SRGAP3: variants seen among roughly 807,000 people sequenced by gnomAD.
The protein encoded by SRGAP3 is SLIT-ROBO Rho GTPase-activating protein 3.
A neutral mutation model predicts 121.1 loss-of-function variants in SRGAP3; 39 were observed. The ratio of observed to expected loss-of-function variants is 0.32; its 90% CI spans 0.25 to 0.42. The LOEUF is 0.42. Ranked by LOEUF, SRGAP3 falls within the 10% of genes least tolerant of loss-of-function variation. The probability of loss-of-function intolerance (pLI) is 1.00; values close to 1 mark genes in which losing one functional copy is unlikely to be tolerated. For synonymous variants in SRGAP3, 601 were observed against 570.0 expected, an observed-to-expected ratio of 1.05 and a Z score of -0.77; for missense variants, 1,213 against 1,470.6, an observed-to-expected ratio of 0.82 and a Z score of 2.86.
Position 9,249,295 on chromosome 3 carries a change from A to G in SRGAP3, c.-344T>C. ...ACCAAGCGCACTCACACACACATGC[A>G]CACGTACACACACTCACGCATGCAC... On this transcript the variant is annotated 5_prime_UTR_variant, in exon 1 of 22. Transcript: ENST00000383836. 2.2e-6 allele frequency: 1 copy of G among 447,178 alleles called. No homozygotes were observed. The highest frequency in any genetic ancestry group is 4.2e-6 in the Non-Finnish European group (1 of 240,394). The allele number at this position is 447,178 out of a possible 1,614,324, so 27.7% of individuals were successfully genotyped here.
intron 4 of SRGAP3, 141 bp downstream of exon 4, chr3:9,079,884 C>G: frequency 1.3e-6 from 1 of 773,240 alleles, no homozygotes; most frequent in Non-Finnish European, 2.2e-6. Context: ...CATCCTGACA[C>G]GATGACCCAC....
At chr3:9,282,477 A>T (rs563162370) in intron 3 of SRGAP3, among the ~76,000 whole-genome samples, 3 of 151,698 alleles carry the variant, frequency 2.0e-5, no homozygotes, top group South Asian at 2.1e-4. Flanking sequence ...GTTATGATAT[A>T]TTTGTTTTTG....
intron 3 of SRGAP3, among the ~76,000 whole-genome samples, chr3:9,081,808 T>C (rs1947256216): frequency 6.6e-6 from 1 of 152,226 alleles, no homozygotes. Context: ...TTATTTATGA[T>C]TGTGATTATG....
intron 1 of SRGAP3, among the ~76,000 whole-genome samples, chr3:9,223,595 G>A (rs1952890022): frequency 6.6e-6 from 1 of 152,184 alleles, no homozygotes; most frequent in Non-Finnish European, 1.5e-5. Context: ...AACTCCACCT[G>A]CATCACGGGG....
chr3:9,053,358 T>C (rs1945673310), intron 8 of SRGAP3, 134 bp from the exon 9 acceptor site: 1 of 930,258 alleles, frequency 1.1e-6, no homozygotes, highest in African/African-American at 1.6e-5. Flanking sequence ...AAAATAATCC[T>C]TCTCACTGTA....
chr3:9,051,142 T>C (rs1452714348), intron 9 of SRGAP3, among the ~76,000 whole-genome samples: 1 of 142,468 alleles, frequency 7.0e-6, no homozygotes, highest in Non-Finnish European at 1.5e-5. Context: ...TCCTTCCACC[T>C]CACCCTCCTG....
intron 1 of SRGAP3, chr3:9,349,608 A>G (rs2029950697): frequency 6.2e-6 from 1 of 160,738 alleles, no homozygotes; most frequent in East Asian, 1.8e-4. Flanking sequence ...TATAACCTCT[A>G]TGGTGATATG....
intron 1 of SRGAP3, among the ~76,000 whole-genome samples, chr3:9,203,797 A>C (rs75464117): frequency 4.5e-4 from 69 of 152,370 alleles, no homozygotes; most frequent in African/African-American, 1.6e-3. Flanking sequence ...AGCAAAGGTA[A>C]TACTGTGTTC....
chr3:9,286,824 G>A (rs976337122), intron 3 of SRGAP3, among the ~76,000 whole-genome samples: 7 of 151,500 alleles, frequency 4.6e-5, no homozygotes, highest in Non-Finnish European at 8.8e-5. Flanking sequence ...GGATGGTCTC[G>A]ATCTCCTGAC....
At chr3:9,044,487 C>T (rs777540499) in intron 10 of SRGAP3, among the ~76,000 whole-genome samples, 3 of 152,080 alleles carry the variant, frequency 2.0e-5, no homozygotes, top group Admixed American at 6.5e-5. Flanking sequence ...CTCAGAACAG[C>T]GAGAAATTTA....
rs370329121 is a variant in SRGAP3, at chr3:9,234,299, T to C, written c.67+14586A>G. ...GATCTTTGGGAGACCCAAAACATCC[T>C]GTCTGGAGAGGCCACTGATCAAAGT... On this transcript the variant is annotated intron_variant, in intron 1 of 21. Coordinates refer to ENST00000383836, the MANE Select transcript of SRGAP3 (RefSeq NM_014850.4). 6.6e-5 allele frequency among the ~76,000 whole-genome samples: 10 copies of C among 152,290 alleles called. No homozygotes were observed. The East Asian group carries it at 1.2e-3, about 18-fold the overall frequency.
intron 1 of SRGAP3, among the ~76,000 whole-genome samples, chr3:9,346,245 T>C (rs1470982365): frequency 6.6e-6 from 1 of 151,986 alleles, no homozygotes. Flanking sequence ...TAAATTTTTT[T>C]ATTTTTTATA....
chr3:9,133,788 T>C (rs1442123385), intron 1 of SRGAP3, among the ~76,000 whole-genome samples: 3 of 152,238 alleles, frequency 2.0e-5, no homozygotes, highest in Non-Finnish European at 2.9e-5. Context: ...CAGTTTATAC[T>C]ACGATGAAAA....
At chr3:9,091,295 C>T (rs970568347) in intron 3 of SRGAP3, among the ~76,000 whole-genome samples, 16 of 152,092 alleles carry the variant, frequency 1.1e-4, no homozygotes, top group Admixed American at 4.6e-4. Context: ...AGTAGATGTT[C>T]TCATGTTGGG....
chr3:9,136,300 G>C (rs115852718), intron 1 of SRGAP3, among the ~76,000 whole-genome samples: 3,826 of 151,948 alleles, frequency 0.025, 165 homozygotes, highest in African/African-American at 0.088. Flanking sequence ...CCGAGGGTCC[G>C]CAGGATCCGT....
chr3:9,256,653 T>A (rs1263663544), intron 3 of SRGAP3: 1 of 395,030 alleles, frequency 2.5e-6, no homozygotes, highest in Non-Finnish European at 4.5e-6. Context: ...TTTCCAGCCA[T>A]CCACTCCCCA....
At chr3:9,345,506 G>A (rs1034450189) in intron 1 of SRGAP3, among the ~76,000 whole-genome samples, 5 of 149,590 alleles carry the variant, frequency 3.3e-5, no homozygotes, top group African/African-American at 1.2e-4. Context: ...AAAGAGGCCA[G>A]GTGCGGTGGC....
In SRGAP3 at chr3:9,076,212, G is replaced by A. The variant is rs563531491; in HGVS notation, c.486+3813C>T. Among the ~76,000 whole-genome samples the A allele has an allele frequency of 2.0e-5, 3 of 152,272 alleles. No individual in the cohort carries two copies. In the East Asian group the frequency reaches 5.8e-4, roughly 29 times the overall value. The stretch of plus-strand genomic sequence containing the variant: ...AAATTGCTGACCCACAGAATCACGA[G>A]CACAGAAAATTGTGGTTGTTCTAAG... On this transcript the variant is annotated intron_variant, in intron 4 of 21. Transcript: ENST00000383836.
At chr3:9,163,464 T>C (rs1950671645) in intron 1 of SRGAP3, among the ~76,000 whole-genome samples, 1 of 152,184 alleles carries the variant, frequency 6.6e-6, no homozygotes, top group Non-Finnish European at 1.5e-5. Flanking sequence ...CGAAGGCGTT[T>C]TGAATGTGGC....
Sources: allele counts gnomAD v4.1 joint callset (sites outside exome capture counted in the v4.1 genomes callset), GRCh38; gene constraint gnomAD v4.1.1; transcripts MANE v1.5; gene names NCBI Gene and HGNC (gene_info 2026-07-23, HGNC 2026-07-21).